PLCB1: variants seen among roughly 807,000 people sequenced by gnomAD.
The protein encoded by PLCB1 is phospholipase C beta 1.
PLCB1 carries 46 observed loss-of-function variants against 161.8 expected under a neutral mutation model. That is an observed-to-expected ratio of 0.28 (90% CI 0.22 to 0.36). PLCB1 has a LOEUF of 0.36. Ranked by LOEUF, PLCB1 falls within the 10% of genes least tolerant of loss-of-function variation. The pLI is 1.00. For missense variants in PLCB1, 1,016 were observed against 1,472.5 expected (o/e 0.69, Z 5.07); for synonymous variants, 517 against 503.7 (o/e 1.03, Z -0.35).
At chr20:8,253,574 G>A (rs373474601) in intron 2 of PLCB1, among the ~76,000 whole-genome samples, 1 of 152,124 alleles carries the variant, frequency 6.6e-6, no homozygotes, top group Admixed American at 6.6e-5. Flanking sequence ...AGGACAGGAA[G>A]AATATTGAGT....
intron 2 of PLCB1, among the ~76,000 whole-genome samples, chr20:8,273,956 T>C (rs1442881640): frequency 6.6e-6 from 1 of 152,146 alleles, no homozygotes; most frequent in African/African-American, 2.4e-5. Flanking sequence ...AAGATGCAAA[T>C]GTATCTCCAT....
intron 2 of PLCB1, among the ~76,000 whole-genome samples, chr20:8,227,559 G>A (rs924931468): frequency 3.3e-5 from 5 of 152,162 alleles, no homozygotes; most frequent in Non-Finnish European, 7.3e-5. Context: ...CTCTCAGTGA[G>A]TCCATTTTAT....
intron 23 of PLCB1, among the ~76,000 whole-genome samples, chr20:8,746,167 G>A (rs1981160758): frequency 6.6e-6 from 1 of 152,136 alleles, no homozygotes. Flanking sequence ...CCTGACCTCA[G>A]GTGATCCACC....
chr20:8,330,149 C>T (rs1600319880), intron 2 of PLCB1, among the ~76,000 whole-genome samples: 1 of 152,224 alleles, frequency 6.6e-6, no homozygotes, highest in South Asian at 2.1e-4. Flanking sequence ...ACAATAACAT[C>T]GAATCAATAA....
chr20:8,506,492 T>C (rs1238054708), intron 3 of PLCB1, among the ~76,000 whole-genome samples: 1 of 152,146 alleles, frequency 6.6e-6, no homozygotes, highest in Non-Finnish European at 1.5e-5. Context: ...GATATTGAAC[T>C]TGAAAACTAT....
intron 2 of PLCB1, among the ~76,000 whole-genome samples, chr20:8,223,285 A>G (rs1979510478): frequency 6.6e-6 from 1 of 152,108 alleles, no homozygotes; most frequent in South Asian, 2.1e-4. Context: ...TCACAGCTCT[A>G]TTTAGAACAG....
At chr20:8,700,436 C>T (rs959315534) in intron 11 of PLCB1, among the ~76,000 whole-genome samples, 3 of 152,228 alleles carry the variant, frequency 2.0e-5, no homozygotes, top group African/African-American at 7.2e-5. Context: ...TGGAGTGACT[C>T]TCCTTGTGCA....
chr20:8,403,544 T>A (rs1414397521), intron 3 of PLCB1, among the ~76,000 whole-genome samples: 2 of 152,196 alleles, frequency 1.3e-5, no homozygotes, highest in Non-Finnish European at 2.9e-5. Flanking sequence ...TGCAGGAAGA[T>A]GGGCAAGGCT....
At chr20:8,309,707 C>T (rs1473335520) in intron 2 of PLCB1, among the ~76,000 whole-genome samples, 1 of 152,204 alleles carries the variant, frequency 6.6e-6, no homozygotes, top group African/African-American at 2.4e-5. Flanking sequence ...GGCTTTGATT[C>T]ATAGCTCATC....
intron 31 of PLCB1, among the ~76,000 whole-genome samples, chr20:8,821,106 T>C (rs191373104): frequency 6.1e-4 from 93 of 152,290 alleles, no homozygotes; most frequent in African/African-American, 2.2e-3. Context: ...ATGACTATTT[T>C]ACCCTCTTTT....
At chr20:8,226,690 AT>A (rs575225666) in intron 2 of PLCB1, among the ~76,000 whole-genome samples, 2,150 of 144,120 alleles carry the variant, frequency 0.015, 46 homozygotes, top group African/African-American at 0.047. Context: ...AGTAAAACTA[AT>A]TTTTTTTTTT....
At chr20:8,190,270 A>G (rs1194937215) in intron 2 of PLCB1, among the ~76,000 whole-genome samples, 1 of 152,126 alleles carries the variant, frequency 6.6e-6, no homozygotes, top group East Asian at 1.9e-4. Context: ...GCAAGTCAGG[A>G]TGTACGAACC....
Position 8,591,329 on chromosome 20 carries a change from T to A in PLCB1, c.247-36965T>A, listed in dbSNP as rs1312384610. Among the ~76,000 whole-genome samples the A allele has an allele frequency of 3.9e-5, 6 of 152,332 alleles. No individual in the cohort carries two copies. In the South Asian group the frequency reaches 8.3e-4, roughly 21 times the overall value. ...CATTATTCTGCCTACCACATGGGTT[T>A]ACTTAATCACCAGGGAGACAAAGTA... is the stretch of plus-strand genomic sequence containing the variant. On this transcript the variant is annotated intron_variant, in intron 3 of 31. Coordinates refer to ENST00000338037, the MANE Select transcript of PLCB1 (RefSeq NM_015192.4).
chr20:8,741,382 T>C, intron 22 of PLCB1, 82 bp from the exon 23 acceptor site: 1 of 890,164 alleles, frequency 1.1e-6, no homozygotes, highest in South Asian at 1.4e-5. Context: ...GGACTGATGG[T>C]CAGATAGATG....
chr20:8,430,782 C>A (rs1200388702), intron 3 of PLCB1, among the ~76,000 whole-genome samples: 1 of 152,008 alleles, frequency 6.6e-6, no homozygotes, highest in South Asian at 2.1e-4. Flanking sequence ...CATAACAAGA[C>A]CCCATCTCTA....
chr20:8,740,008 T>C (rs1980787289), intron 21 of PLCB1, among the ~76,000 whole-genome samples: 1 of 152,036 alleles, frequency 6.6e-6, no homozygotes. Flanking sequence ...CTACAAAAAA[T>C]AATAATAACA....
chr20:8,537,362 C>A (rs1445372271), intron 3 of PLCB1, among the ~76,000 whole-genome samples: 1 of 152,122 alleles, frequency 6.6e-6, no homozygotes, highest in East Asian at 1.9e-4. Flanking sequence ...TTAAACTTTG[C>A]CATTTTGCCT....
At chr20:8,290,752 C>T (rs113236380) in intron 2 of PLCB1, among the ~76,000 whole-genome samples, 8 of 152,126 alleles carry the variant, frequency 5.3e-5, no homozygotes, top group African/African-American at 1.9e-4. Flanking sequence ...CTCCCCAGTT[C>T]CCAGCCGCTT....
At chr20:8,728,028 C>T (rs1410744668) in intron 17 of PLCB1, among the ~76,000 whole-genome samples, 1 of 151,876 alleles carries the variant, frequency 6.6e-6, no homozygotes, top group East Asian at 1.9e-4. Flanking sequence ...TAATAAGTCC[C>T]AGAATAAAGT....
Sources: allele counts gnomAD v4.1 joint callset (sites outside exome capture counted in the v4.1 genomes callset), GRCh38; gene constraint gnomAD v4.1.1; transcripts MANE v1.5; gene names NCBI Gene and HGNC (gene_info 2026-07-23, HGNC 2026-07-21).